The following CFAP299 variants were observed in gnomAD, a reference collection of about 807,000 sequenced individuals.
CFAP299 encodes the protein cilia- and flagella-associated protein 299.
Under a neutral mutation model 27.0 loss-of-function variants are expected in CFAP299, and 21 were observed. That is an observed-to-expected ratio of 0.78 (90% CI 0.55 to 1.12). The LOEUF (loss-of-function observed/expected upper bound fraction) is 1.12, where lower values mean the gene tolerates loss of function less well. Among genes scored for constraint, CFAP299 ranks in the 50% most tolerant of loss-of-function variants. The pLI is 0.00. For synonymous variants in CFAP299, 104 were observed against 98.1 expected, an observed-to-expected ratio of 1.06 and a Z score of -0.36; for missense variants, 310 against 276.6, an observed-to-expected ratio of 1.12 and a Z score of -0.86.
intron 2 of CFAP299, among the ~76,000 whole-genome samples, chr4:80,531,787 C>T (rs748098282): frequency 9.7e-4 from 126 of 129,690 alleles, no homozygotes; most frequent in Non-Finnish European, 1.5e-3. Context: ...GAGTTTCACT[C>T]TTGTTGCCCA....
rs557485833 is a variant in CFAP299, at chr4:80,943,517, C to T, written c.477-1293C>T. 2.0e-5 allele frequency among the ~76,000 whole-genome samples: 3 copies of T among 152,162 alleles called. No homozygotes were observed. In the South Asian group the frequency reaches 6.2e-4, roughly 32 times the overall value. ...AGAATATCATTAAAAATAAATATTA[C>T]AAACATTTGAGAGGCACCCTGGTTT... On this transcript the variant is annotated intron_variant, in intron 4 of 5. Transcript: ENST00000358105.
chr4:80,629,420 ATATTG>A (rs919828883), intron 3 of CFAP299, among the ~76,000 whole-genome samples: 5 of 152,158 alleles, frequency 3.3e-5, no homozygotes, highest in African/African-American at 1.2e-4. Context: ...AGTTTATAAT[ATATTG>A]TATTCTTGAG....
At chr4:80,624,552 G>A (rs1738782393) in intron 3 of CFAP299, among the ~76,000 whole-genome samples, 1 of 151,798 alleles carries the variant, frequency 6.6e-6, no homozygotes, top group Admixed American at 6.6e-5. Flanking sequence ...AAAGATAAAG[G>A]GGTAAGAAAC....
At position 80,540,071 on chromosome 4, in the gene CFAP299, C is replaced by T. The variant is rs1450678970; in HGVS notation, c.243-43022C>T. 2.6e-5 allele frequency among the ~76,000 whole-genome samples: 4 copies of T among 152,278 alleles called. No homozygotes were observed. The East Asian group carries it at 7.7e-4, about 29-fold the overall frequency. ...AGTGCACAGGCAATTGTGTTTTTGC[C>T]AAAGGAATTAATTCAGTATAGCTGA... On this transcript the variant is annotated intron_variant, in intron 2 of 5. Transcript: ENST00000358105.
intron 1 of CFAP299, among the ~76,000 whole-genome samples, chr4:80,340,987 G>T (rs1722420348): frequency 6.6e-6 from 1 of 152,150 alleles, no homozygotes; most frequent in Admixed American, 6.5e-5. Context: ...TGTTGGTCAG[G>T]CTGGTCTTGA....
intron 2 of CFAP299, among the ~76,000 whole-genome samples, chr4:80,483,779 TTTG>T (rs1440773044): frequency 6.6e-6 from 1 of 152,164 alleles, no homozygotes; most frequent in Non-Finnish European, 1.5e-5. Flanking sequence ...CCTTTCAATT[TTTG>T]TTGTTGTTAA....
At chr4:80,346,143 T>C (rs1240813598) in intron 1 of CFAP299, among the ~76,000 whole-genome samples, 1 of 152,262 alleles carries the variant, frequency 6.6e-6, no homozygotes, top group African/African-American at 2.4e-5. Flanking sequence ...CTTGAAAATT[T>C]GTTTAAGTTC....
At chr4:80,800,443 T>G (rs1424559134) in intron 3 of CFAP299, among the ~76,000 whole-genome samples, 2 of 55,870 alleles carry the variant, frequency 3.6e-5, no homozygotes, top group Non-Finnish European at 5.7e-5. Context: ...ATATAATATA[T>G]TGATATATTA....
chr4:80,939,024 A>G (rs1737061950), intron 4 of CFAP299, among the ~76,000 whole-genome samples: 1 of 152,144 alleles, frequency 6.6e-6, no homozygotes, highest in East Asian at 1.9e-4. Context: ...GATTTCTGCT[A>G]ATGGTTTTAT....
At chr4:80,895,235 C>G (rs1018403463) in intron 4 of CFAP299, among the ~76,000 whole-genome samples, 1 of 151,500 alleles carries the variant, frequency 6.6e-6, no homozygotes, top group African/African-American at 2.4e-5. Flanking sequence ...TGTTAATTAG[C>G]CTGATTGTGG....
At chr4:80,913,978 A>G (rs1377116917) in intron 4 of CFAP299, among the ~76,000 whole-genome samples, 8 of 152,116 alleles carry the variant, frequency 5.3e-5, no homozygotes, top group Non-Finnish European at 1.2e-4. Flanking sequence ...CTTCTTTCCC[A>G]TAGACTAATG....
chr4:80,795,226 A>C (rs1225697491), intron 3 of CFAP299, among the ~76,000 whole-genome samples: 1 of 152,198 alleles, frequency 6.6e-6, no homozygotes, highest in Non-Finnish European at 1.5e-5. Context: ...TTTCTTTGTC[A>C]TCAATTTTCC....
At chr4:80,698,745 G>A (rs1413005109) in intron 3 of CFAP299, among the ~76,000 whole-genome samples, 1 of 152,216 alleles carries the variant, frequency 6.6e-6, no homozygotes, top group Non-Finnish European at 1.5e-5. Flanking sequence ...GGGAAGGCAG[G>A]CACATCTTAC....
In CFAP299 at chr4:80,931,206, C is replaced by G. The variant is rs375017277; in HGVS notation, c.477-13604C>G. ...GAGTGAGTGAATTAGCATGGCTTCA[C>G]GGGCACTTTGCTTGGCTCCTCGCCT... On this transcript the variant is annotated intron_variant, in intron 4 of 5. Transcript: ENST00000358105. Among the ~76,000 whole-genome samples the G allele has an allele frequency of 3.4e-4, 52 of 151,952 alleles. 1 individual carries two copies. The East Asian group carries it at 9.6e-3, about 28-fold the overall frequency.
intron 2 of CFAP299, among the ~76,000 whole-genome samples, chr4:80,484,256 A>G (rs796766138): frequency 5.3e-5 from 8 of 152,228 alleles, no homozygotes; most frequent in African/African-American, 1.7e-4. Flanking sequence ...GAATTAGCAT[A>G]TAACTTTTAA....
intron 2 of CFAP299, among the ~76,000 whole-genome samples, chr4:80,478,230 G>C (rs1408160985): frequency 1.3e-5 from 2 of 152,116 alleles, no homozygotes; most frequent in African/African-American, 4.8e-5. Context: ...CACAGATGAT[G>C]TCCACTATTT....
chr4:80,817,093 T>C (rs1263140376), intron 3 of CFAP299, among the ~76,000 whole-genome samples: 1 of 152,092 alleles, frequency 6.6e-6, no homozygotes, highest in Non-Finnish European at 1.5e-5. Context: ...GGTTAGGCAG[T>C]GTCCCTGGAG....
At chr4:80,717,227 G>A (rs1415290633) in intron 3 of CFAP299, among the ~76,000 whole-genome samples, 1 of 152,082 alleles carries the variant, frequency 6.6e-6, no homozygotes, top group African/African-American at 2.4e-5. Flanking sequence ...TGGTGACATA[G>A]GACCACTTAG....
intron 2 of CFAP299, among the ~76,000 whole-genome samples, chr4:80,476,710 T>C (rs531604861): frequency 6.6e-6 from 1 of 152,258 alleles, no homozygotes; most frequent in Admixed American, 6.5e-5. Context: ...AACTCAGCAT[T>C]TCCAGCGTTT....
Sources: allele counts gnomAD v4.1 joint callset (sites outside exome capture counted in the v4.1 genomes callset), GRCh38; gene constraint gnomAD v4.1.1; transcripts MANE v1.5; gene names NCBI Gene and HGNC (gene_info 2026-07-23, HGNC 2026-07-21).